The following MTUS2 variants were observed in gnomAD, a reference collection of about 807,000 sequenced individuals.
MTUS2 encodes microtubule associated scaffold protein 2, also known as microtubule-associated tumor suppressor candidate 2.
In MTUS2, 40 loss-of-function variants were observed where a neutral mutation model predicts 114.1. The observed-to-expected ratio is 0.35, with a 90% CI of 0.27 to 0.46. The LOEUF is 0.46. MTUS2 is among the 20% of genes least tolerant of loss of function. The probability of loss-of-function intolerance (pLI) is 1.00; values close to 1 mark genes in which losing one functional copy is unlikely to be tolerated. For synonymous variants in MTUS2, 688 were observed against 672.0 expected (o/e 1.02, Z -0.37); for missense variants, 1,679 against 1,705.4 (o/e 0.98, Z 0.27).
intron 2 of MTUS2, among the ~76,000 whole-genome samples, chr13:28,992,206 A>G (rs940335851): frequency 6.6e-6 from 1 of 152,250 alleles, no homozygotes; most frequent in Non-Finnish European, 1.5e-5. Flanking sequence ...GTGTCTTAGC[A>G]GCAACTCCTC....
intron 2 of MTUS2, among the ~76,000 whole-genome samples, chr13:28,945,164 A>T (rs1324384068): frequency 7.3e-6 from 1 of 136,762 alleles, no homozygotes; most frequent in Non-Finnish European, 1.6e-5. Flanking sequence ...TTTTTTATGG[A>T]TGAGTAGTAT....
chr13:29,197,712 C>A (rs1323036882), intron 5 of MTUS2, among the ~76,000 whole-genome samples: 1 of 152,184 alleles, frequency 6.6e-6, no homozygotes, highest in African/African-American at 2.4e-5. Flanking sequence ...CACATCCTCT[C>A]CAGCATCTGT....
chr13:29,058,579 T>A (rs1324519976), intron 4 of MTUS2, among the ~76,000 whole-genome samples: 4 of 131,394 alleles, frequency 3.0e-5, no homozygotes, highest in Non-Finnish European at 5.0e-5. Flanking sequence ...TTTTTTTTTT[T>A]TTAATTATTA....
chr13:29,421,553 G>T (rs1160958966), intron 8 of MTUS2, among the ~76,000 whole-genome samples: 3 of 152,132 alleles, frequency 2.0e-5, no homozygotes, highest in Non-Finnish European at 4.4e-5. Flanking sequence ...CTCCTTCAAG[G>T]TCCCATCCTG....
chr13:29,494,484 G>GT (rs1882397070), intron 12 of MTUS2, among the ~76,000 whole-genome samples: 1 of 151,910 alleles, frequency 6.6e-6, no homozygotes, highest in Non-Finnish European at 1.5e-5. Flanking sequence ...CTGTTGTTTT[G>GT]TTTTTTTAAT....
rs201618816 is a variant in MTUS2, at chr13:29,389,373, GTATA to G, written c.3117+29904_3117+29907del. Among the ~76,000 whole-genome samples the G allele has an allele frequency of 6.5e-4, 20 of 30,962 alleles. 2 individuals are homozygous for G. Among genetic ancestry groups the G allele is most frequent in the East Asian group, 3.1e-3 (3 of 956 alleles). The allele number at this position is 30,962 out of a possible 152,430, so 20.3% of individuals were successfully genotyped here. On this transcript the variant is annotated intron_variant, in intron 8 of 15. Coordinates refer to ENST00000612955, the MANE Select transcript of MTUS2 (RefSeq NM_001033602.4). ...TGTGTATATATGTATGCACGTGTGT[GTATA>G]TATGTATACACGTGTGTGTATATAT...
chr13:28,900,488 T>C (rs1329367104), intron 2 of MTUS2, among the ~76,000 whole-genome samples: 2 of 152,212 alleles, frequency 1.3e-5, no homozygotes, highest in Non-Finnish European at 2.9e-5. Flanking sequence ...GCTGATCTGT[T>C]CTCCATTTTT....
In MTUS2 at chr13:29,268,155, A is replaced by AC. The variant is rs1897738156; in HGVS notation, c.2645-13544dup. Among the ~76,000 whole-genome samples the AC allele has an allele frequency of 2.0e-5, 3 of 152,036 alleles. No homozygotes were observed. In the South Asian group the frequency reaches 6.2e-4, roughly 32 times the overall value. ...AATGCTCTCCCTCCCCTAGTTCCCC[A>AC]CCCCCTGACAGGCCCCGGTGTGTGA... On this transcript the variant is annotated intron_variant, in intron 5 of 15. Coordinates refer to ENST00000612955, the MANE Select transcript of MTUS2 (RefSeq NM_001033602.4).
chr13:28,867,079 C>T (rs1877342602), intron 2 of MTUS2, among the ~76,000 whole-genome samples: 1 of 152,120 alleles, frequency 6.6e-6, no homozygotes, highest in East Asian at 1.9e-4. Flanking sequence ...TACCCTATTT[C>T]ACTGGCAGTT....
chr13:29,080,681 G>A (rs1008759137), intron 4 of MTUS2, among the ~76,000 whole-genome samples: 1 of 152,136 alleles, frequency 6.6e-6, no homozygotes, highest in Admixed American at 6.5e-5. Flanking sequence ...TTGAGGGTGA[G>A]TCTGCCTTTC....
chr13:29,429,789 T>C (rs529344376), intron 8 of MTUS2, among the ~76,000 whole-genome samples: 4 of 152,296 alleles, frequency 2.6e-5, no homozygotes, highest in South Asian at 2.1e-4. Context: ...GCTATCTAGA[T>C]AGCTTGAGGT....
chr13:29,223,656 T>C (rs1895994972), intron 5 of MTUS2, among the ~76,000 whole-genome samples: 1 of 152,184 alleles, frequency 6.6e-6, no homozygotes, highest in Admixed American at 6.5e-5. Flanking sequence ...GACAAGAACT[T>C]GGGACCCATT....
chr13:29,373,377 G>T (rs1871339723), intron 8 of MTUS2, among the ~76,000 whole-genome samples: 1 of 152,190 alleles, frequency 6.6e-6, no homozygotes, highest in South Asian at 2.1e-4. Context: ...AGTGCATAGA[G>T]CAGGGTAACT....
At chr13:29,310,414 A>T (rs1005419005) in intron 6 of MTUS2, among the ~76,000 whole-genome samples, 8 of 152,226 alleles carry the variant, frequency 5.3e-5, no homozygotes, top group Non-Finnish European at 1.0e-4. Context: ...TTTAGTGGCT[A>T]CTGTCTCAAC....
intron 6 of MTUS2, among the ~76,000 whole-genome samples, chr13:29,313,321 A>C (rs1899852166): frequency 6.6e-6 from 1 of 152,230 alleles, no homozygotes; most frequent in African/African-American, 2.4e-5. Flanking sequence ...CATTTTATTG[A>C]GCATAAAGAA....
At chr13:29,307,977 CAAAA>C (rs1399874056) in intron 6 of MTUS2, among the ~76,000 whole-genome samples, 1 of 151,480 alleles carries the variant, frequency 6.6e-6, no homozygotes, top group Admixed American at 6.6e-5. Flanking sequence ...TGTGCTCAGT[CAAAA>C]AAAGAAAAAG....
At chr13:29,260,111 C>A (rs928260028) in intron 5 of MTUS2, among the ~76,000 whole-genome samples, 10 of 152,060 alleles carry the variant, frequency 6.6e-5, no homozygotes, top group African/African-American at 2.4e-4. Flanking sequence ...CTGTTTATTT[C>A]TCTATGCCAT....
At chr13:28,945,862 A>T (rs1882498446) in intron 2 of MTUS2, among the ~76,000 whole-genome samples, 1 of 152,120 alleles carries the variant, frequency 6.6e-6, no homozygotes, top group Admixed American at 6.5e-5. Flanking sequence ...TTGTGTTTGC[A>T]TTTGAGGTTT....
intron 4 of MTUS2, among the ~76,000 whole-genome samples, chr13:29,042,126 T>C: frequency 6.6e-6 from 1 of 152,178 alleles, no homozygotes; most frequent in East Asian, 1.9e-4. Flanking sequence ...TTTTATTACC[T>C]TAAAGTATGT....
Sources: gnomAD v4.1 joint callset for allele counts (sites outside exome capture counted in the v4.1 genomes callset) on GRCh38, gnomAD v4.1.1 for gene constraint, MANE v1.5 for transcripts, NCBI Gene and HGNC (gene_info 2026-07-23, HGNC 2026-07-21) for gene names.